The following LPP variants were observed in gnomAD, a reference collection of about 807,000 sequenced individuals.
LPP encodes the protein lipoma-preferred partner.
A neutral mutation model predicts 60.4 loss-of-function variants in LPP; 38 were observed. The observed-to-expected ratio is 0.63, with a 90% CI of 0.49 to 0.83. The LOEUF (loss-of-function observed/expected upper bound fraction) is 0.83. LPP is among the 40% of genes least tolerant of loss of function. The pLI, the probability that LPP is intolerant of heterozygous loss-of-function variation, is 0.00. For synonymous variants in LPP, 328 were observed against 290.8 expected (o/e 1.13, Z -1.30); for missense variants, 902 against 783.6 (o/e 1.15, Z -1.80).
At position 188,621,330 on chromosome 3, in the gene LPP, C is replaced by T. The variant is rs116490170; in HGVS notation, c.1113+11486C>T. Among the ~76,000 whole-genome samples, 1,126 of 152,218 alleles carry T rather than the reference C, an allele frequency of 7.4e-3. 12 individuals carry two copies. Among genetic ancestry groups the T allele is most frequent in the African/African-American group, 0.025 (1,052 of 41,522 alleles). Reference sequence around the variant, plus strand: ...AGACTGTGCCCTCTCCCTTCCTCCCCGTCTGGTAGTCTGTGGTGTCTGTTA... The same window carrying T: ...AGACTGTGCCCTCTCCCTTCCTCCCTGTCTGGTAGTCTGTGGTGTCTGTTA... On this transcript the variant is annotated intron_variant, in intron 7 of 11. Coordinates refer to ENST00000617246, the MANE Select transcript of LPP (RefSeq NM_001375462.1).
intron 7 of LPP, among the ~76,000 whole-genome samples, chr3:188,679,998 AG>A (rs1298797090): frequency 5.3e-5 from 8 of 152,338 alleles, no homozygotes; most frequent in African/African-American, 1.7e-4. Flanking sequence ...AGGAAGAAAC[AG>A]CAAAATTGTC....
chr3:188,812,769 C>T (rs530865334), intron 9 of LPP, among the ~76,000 whole-genome samples: 1 of 110,132 alleles, frequency 9.1e-6, no homozygotes, highest in South Asian at 3.3e-4. Context: ...TACTCTCTCA[C>T]TCTCCCTCTC....
intron 7 of LPP, among the ~76,000 whole-genome samples, chr3:188,672,205 T>C (rs1180658304): frequency 1.3e-5 from 2 of 152,162 alleles, no homozygotes; most frequent in Non-Finnish European, 2.9e-5. Context: ...ACGTTTATAA[T>C]CTTTCTTGAT....
At chr3:188,500,560 T>G (rs1207942453) in intron 5 of LPP, among the ~76,000 whole-genome samples, 1 of 152,126 alleles carries the variant, frequency 6.6e-6, no homozygotes, top group Non-Finnish European at 1.5e-5. Flanking sequence ...TTGTCGGACT[T>G]TGATGTCACA....
At position 188,799,003 on chromosome 3, in the gene LPP, A is replaced by G. The variant is rs564186374; in HGVS notation, c.1410+38721A>G. The stretch of plus-strand genomic sequence containing the variant: ...ATTATTTAATTGCCAGTTCAGCTAC[A>G]TGTGTGTAGTTGTTTTGCTTCTTTC... On this transcript the variant is annotated intron_variant, in intron 9 of 11. Transcript: ENST00000617246. Among the ~76,000 whole-genome samples the G allele has an allele frequency of 2.0e-5, 3 of 152,346 alleles. No individual in the cohort carries two copies. The East Asian group carries it at 5.8e-4, about 29-fold the overall frequency.
intron 4 of LPP, among the ~76,000 whole-genome samples, chr3:188,445,897 G>A (rs983142704): frequency 4.6e-5 from 7 of 152,120 alleles, no homozygotes; most frequent in Admixed American, 4.6e-4. Flanking sequence ...TTGTGATACA[G>A]GATAGATGTA....
intron 2 of LPP, among the ~76,000 whole-genome samples, chr3:188,262,000 T>G (rs188501861): frequency 1.3e-5 from 2 of 152,346 alleles, no homozygotes; most frequent in Admixed American, 1.3e-4. Context: ...CTTAGAAAGG[T>G]TGTTTCTTAA....
In LPP at chr3:188,182,802, TATGCAC is replaced by T. The variant is rs1725504446; in HGVS notation, c.-190+28553_-190+28558del. ...ATATAATATATGTACATATACAATA[TATGCAC>T]ATATATAATATATGTACATATAATA... On this transcript the variant is annotated intron_variant, in intron 1 of 11. Transcript: ENST00000617246. This position sits in a 1 kb window ranked among gnomAD's most constrained non-coding sequence, Gnocchi z 4.4. Among the ~76,000 whole-genome samples, 1 of 150,104 alleles carries T rather than the reference TATGCAC, an allele frequency of 6.7e-6. No individual in the cohort carries two copies. The highest frequency in any genetic ancestry group is 1.5e-5 in the Non-Finnish European group (1 of 67,664).
Position 188,881,268 on chromosome 3 carries a change from C to T in LPP, c.*6789C>T, listed in dbSNP as rs1408633049. 1 of 189,202 alleles carries T rather than the reference C, an allele frequency of 5.3e-6. No homozygotes were observed. The allele number at this position is 189,202 out of a possible 1,614,324, so 11.7% of individuals were successfully genotyped here. A position where few individuals can be genotyped will look rare whatever the true frequency, so the allele number is the denominator to read the frequency against. On this transcript the variant is annotated 3_prime_UTR_variant, in exon 12 of 12. Transcript: ENST00000617246. ...AGTATGTAGTTGCGCTCACATACGT[C>T]TATTCTAGCTCTGTAGCTCCACAAA...
intron 4 of LPP, among the ~76,000 whole-genome samples, chr3:188,415,600 A>T (rs1352009800): frequency 6.6e-6 from 1 of 152,120 alleles, no homozygotes; most frequent in Non-Finnish European, 1.5e-5. Flanking sequence ...ACAATGGAAT[A>T]ATACCATTCA....
intron 9 of LPP, among the ~76,000 whole-genome samples, chr3:188,851,179 TAG>T (rs1469156337): frequency 6.6e-6 from 1 of 152,212 alleles, no homozygotes; most frequent in African/African-American, 2.4e-5. Flanking sequence ...AGGGAATTTA[TAG>T]ATCAGATTGA....
rs1208595901 is a variant in LPP at position 188,877,594 on chromosome 3, C to T, written c.*3115C>T. 3 of 187,638 alleles carry T rather than the reference C, an allele frequency of 1.6e-5. No homozygotes were observed. The East Asian group carries it at 2.6e-4, about 16-fold the overall frequency. 11.6% of individuals were successfully genotyped at this position (187,638 alleles called of 1,614,324 possible). On this transcript the variant is annotated 3_prime_UTR_variant, in exon 12 of 12. Coordinates refer to ENST00000617246, the MANE Select transcript of LPP (RefSeq NM_001375462.1). ...GGTGTGGTGACTCACACTTGTAATC[C>T]CAGCAATTTGGGAGGCTGAGACAGG...
chr3:188,694,593 T>A (rs1309838048), intron 7 of LPP, among the ~76,000 whole-genome samples: 2 of 151,236 alleles, frequency 1.3e-5, no homozygotes, highest in African/African-American at 4.9e-5. Flanking sequence ...TCCCAGCTAC[T>A]CAGGAGGCTG....
rs1028940684 is a variant in LPP, at chr3:188,217,764, G to A, written c.-189-7641G>A. Among the ~76,000 whole-genome samples, 7 of 152,158 alleles carry A rather than the reference G, an allele frequency of 4.6e-5. No individual in the cohort carries two copies. Among genetic ancestry groups the A allele is most frequent in the South Asian group, 4.2e-4 (2 of 4,814 alleles). On this transcript the variant is annotated intron_variant, in intron 1 of 11. Transcript: ENST00000617246. The surrounding 1 kb of genome is among the most constrained non-coding windows in gnomAD (Gnocchi z 4.0). Reference sequence around the variant, plus strand: ...GGGGTTGCCCAGATAAGCAGCTGGCGTTCCAAGACCAAAGAGTATCTGTTT... The same window carrying A: ...GGGGTTGCCCAGATAAGCAGCTGGCATTCCAAGACCAAAGAGTATCTGTTT...
chr3:188,462,335 G>A (rs1182421436), intron 4 of LPP, among the ~76,000 whole-genome samples: 1 of 151,000 alleles, frequency 6.6e-6, no homozygotes, highest in Non-Finnish European at 1.5e-5. Flanking sequence ...TGTCACATTT[G>A]GAGTTTACTC....
At chr3:188,173,332 C>T (rs1280155384) in intron 1 of LPP, among the ~76,000 whole-genome samples, 1 of 152,070 alleles carries the variant, frequency 6.6e-6, no homozygotes, top group Non-Finnish European at 1.5e-5. Context: ...GAAAGCCCAT[C>T]TCTATTTAAA....
intron 9 of LPP, among the ~76,000 whole-genome samples, chr3:188,764,140 AT>A (rs1295711673): frequency 6.6e-6 from 1 of 152,138 alleles, no homozygotes; most frequent in Non-Finnish European, 1.5e-5. Context: ...ATTCTTATAG[AT>A]TTGAATATGT....
chr3:188,633,870 A>G (rs1202063474), intron 7 of LPP, among the ~76,000 whole-genome samples: 1 of 152,098 alleles, frequency 6.6e-6, no homozygotes, highest in Non-Finnish European at 1.5e-5. Context: ...TCTTTTGCTC[A>G]TGGAAATAAT....
At chr3:188,853,372 G>A (rs1343149032) in intron 9 of LPP, among the ~76,000 whole-genome samples, 1 of 152,230 alleles carries the variant, frequency 6.6e-6, no homozygotes, top group Non-Finnish European at 1.5e-5. Flanking sequence ...CTGCTATGGT[G>A]CTGTGAAAGA....
Sources: allele counts gnomAD v4.1 joint callset (sites outside exome capture counted in the v4.1 genomes callset), GRCh38; gene constraint gnomAD v4.1.1; non-coding constraint Gnocchi (gnomAD v3.1); transcripts MANE v1.5; gene names NCBI Gene and HGNC (gene_info 2026-07-23, HGNC 2026-07-21).